Variants in RETREG3 observed in about 807,000 individuals in gnomAD.
RETREG3 encodes the protein reticulophagy regulator 3.
In RETREG3, 23 loss-of-function variants were observed where a neutral mutation model predicts 50.2. That is an observed-to-expected ratio of 0.46 (90% confidence interval 0.33 to 0.65). The LOEUF (loss-of-function observed/expected upper bound fraction) is 0.65, where lower values mean the gene tolerates loss of function less well. Among genes scored for constraint, RETREG3 ranks in the 30% least tolerant of loss-of-function variants. The pLI, the probability that RETREG3 is intolerant of heterozygous loss-of-function variation, is 0.02. For synonymous variants in RETREG3, 240 were observed against 234.4 expected (o/e 1.02, Z -0.22); for missense variants, 546 against 598.0 (o/e 0.91, Z 0.91).
chr17:42,581,777 C>T lies in RETREG3; in HGVS notation c.*36G>A. Reference sequence around the variant, plus strand: ...CTTAAGTGGGATGGGGAGAAAAAAACCTAAACCACAGTGACTCCCAAAAGG... The same window carrying T: ...CTTAAGTGGGATGGGGAGAAAAAAATCTAAACCACAGTGACTCCCAAAAGG... On this transcript the variant is annotated 3_prime_UTR_variant, in exon 9 of 9. Coordinates refer to ENST00000309428, the MANE Select transcript of RETREG3 (RefSeq NM_178126.4). 6.6e-7 allele frequency: 1 copy of T among 1,520,162 alleles called. No individual in the cohort carries two copies. 94.2% of individuals were successfully genotyped at this position (1,520,162 alleles called of 1,614,324 possible). A position where few individuals can be genotyped will look rare whatever the true frequency, so the allele number is the denominator to read the frequency against.
rs1367296231 is a variant in RETREG3 at position 42,580,290 on chromosome 17, T to A, written c.*1523A>T. 1 of 152,476 alleles carries A rather than the reference T, an allele frequency of 6.6e-6. No homozygotes were observed. The highest frequency in any genetic ancestry group is 2.4e-5 in the African/African-American group (1 of 41,250). The allele number at this position is 152,476 out of a possible 1,614,324, so 9.4% of individuals were successfully genotyped here. ...AGCTGTAAAGGAGCTGAACAGGAAG[T>A]AAGAATAGGTGGTGCAAGAGATTAT... On this transcript the variant is annotated 3_prime_UTR_variant, in exon 9 of 9. Transcript: ENST00000309428.
chr17:42,608,431 C>T (rs1348084637), intron 1 of RETREG3, among the ~76,000 whole-genome samples: 2 of 152,220 alleles, frequency 1.3e-5, no homozygotes, highest in Non-Finnish European at 2.9e-5. Context: ...AAGGATGCCT[C>T]TCTAATTCCT....
In RETREG3 at chr17:42,581,721, G is replaced by T; in HGVS notation, c.*92C>A. On this transcript the variant is annotated 3_prime_UTR_variant, in exon 9 of 9. Transcript: ENST00000309428. ...CAGCATACAAATATAATTCAGGGGA[G>T]GGGAGCTGAGTTCTTCCCTTGCCCC... 1 of 1,174,450 alleles carries T rather than the reference G, an allele frequency of 8.5e-7. No individual in the cohort carries two copies. 72.8% of individuals were successfully genotyped at this position (1,174,450 alleles called of 1,614,324 possible).
intron 1 of RETREG3, among the ~76,000 whole-genome samples, chr17:42,597,597 A>G (rs1398269523): frequency 0.69 from 43,381 of 63,242 alleles, 12,340 homozygotes; most frequent in South Asian, 0.76. Flanking sequence ...ATATATATAT[A>G]TATATATATA....
At chr17:42,587,409 G>A (rs2093123501) in intron 3 of RETREG3, among the ~76,000 whole-genome samples, 1 of 152,228 alleles carries the variant, frequency 6.6e-6, no homozygotes, top group Non-Finnish European at 1.5e-5. Flanking sequence ...TAAGACACAA[G>A]AGGAATCTTT....
Position 42,587,864 on chromosome 17 carries a change from A to G in RETREG3, c.347T>C (p.Val116Ala), listed in dbSNP as rs764554335. Residue 116 changes from valine (V) to alanine (A), a missense_variant and splice_region_variant, in exon 3 of 9, where the codon GTG (valine) becomes GCG (alanine). By Grantham distance (64) the Val-to-Ala change is moderately conservative. Transcript: ENST00000309428. ...WKNKIWPEIK[V>A]PRPDALDNES... is the part of the protein sequence containing the mutation. The stretch of plus-strand genomic sequence containing the variant: ...ATTGTCTAATGCGTCGGGTCTTGGC[A>G]CTACAATATTAAAACAAACACCAGC... The G allele has an allele frequency of 1.2e-6, 2 of 1,614,086 alleles. No homozygotes were observed. The highest frequency in any genetic ancestry group is 4.5e-5 in the East Asian group (2 of 44,892).
At chr17:42,586,302 T>C (rs1239899754) in intron 4 of RETREG3, 165 bp from the exon 5 acceptor site, 1 of 632,322 alleles carries the variant, frequency 1.6e-6, no homozygotes, top group Admixed American at 2.8e-5. Context: ...AAAAGGAGCA[T>C]GTCCCCTTCT....
intron 1 of RETREG3, among the ~76,000 whole-genome samples, chr17:42,594,671 A>C (rs1300768602): frequency 2.0e-5 from 3 of 150,140 alleles, no homozygotes; most frequent in Non-Finnish European, 3.0e-5. Flanking sequence ...TTGAAACCCT[A>C]TCTCTACTAA....
intron 1 of RETREG3, 53 bp from the exon 2 acceptor site, chr17:42,592,215 C>T: frequency 6.8e-7 from 1 of 1,479,124 alleles, no homozygotes. Flanking sequence ...ATCCTAATTT[C>T]AGAAAAGGCC....
At chr17:42,598,869 TA>T (rs1315617534) in intron 1 of RETREG3, 2 of 152,128 alleles carry the variant, frequency 1.3e-5, no homozygotes, top group African/African-American at 4.8e-5. Context: ...GAATGGAAGG[TA>T]AGGGCTGTAA....
rs370043825 is a variant in RETREG3, at chr17:42,586,034, A to T, written c.589+19T>A. On this transcript the variant is annotated intron_variant, in intron 5 of 8. Coordinates refer to ENST00000309428, the MANE Select transcript of RETREG3 (RefSeq NM_178126.4). ...ATGAGCAGGGTATACTTTGTAGGGG[A>T]GGTATATGTCATACTTACGCATCAA... 2.5e-4 allele frequency: 405 copies of T among 1,611,872 alleles called. No individual in the cohort carries two copies. In the Middle Eastern group the frequency reaches 4.8e-3, roughly 19 times the overall value.
intron 1 of RETREG3, among the ~76,000 whole-genome samples, chr17:42,607,529 G>A (rs907829754): frequency 1.6e-4 from 21 of 135,096 alleles, no homozygotes; most frequent in African/African-American, 5.7e-4. Context: ...AAAAGGCCAG[G>A]CGCAGTGGCT....
chr17:42,603,596 G>A (rs1340726521), intron 1 of RETREG3, among the ~76,000 whole-genome samples: 1 of 152,138 alleles, frequency 6.6e-6, no homozygotes, highest in African/African-American at 2.4e-5. Flanking sequence ...AATAAACCAA[G>A]GCATCCTTGG....
intron 1 of RETREG3, among the ~76,000 whole-genome samples, chr17:42,607,911 G>A (rs1358466625): frequency 6.6e-6 from 1 of 152,130 alleles, no homozygotes; most frequent in African/African-American, 2.4e-5. Flanking sequence ...ACAAATGCCA[G>A]AGACTACTGT....
intron 1 of RETREG3, among the ~76,000 whole-genome samples, chr17:42,597,434 A>G (rs1317603476): frequency 1.4e-5 from 2 of 146,256 alleles, no homozygotes; most frequent in Non-Finnish European, 3.0e-5. Flanking sequence ...TGATCCACCC[A>G]CCTCGGCATC....
Position 42,586,929 on chromosome 17 carries a change from G to A in RETREG3, c.378-38C>T, listed in dbSNP as rs769182655. ...GAAGGGGGAGCTGTGAAAGGAGGGT[G>A]TTGAGGGTCCCCCCATCTTGCTGTG... On this transcript the variant is annotated intron_variant, in intron 3 of 8. Transcript: ENST00000309428. 39 of 1,607,584 alleles carry A rather than the reference G, an allele frequency of 2.4e-5. No homozygotes were observed. In the East Asian group the frequency reaches 8.0e-4, roughly 33 times the overall value.
intron 2 of RETREG3, among the ~76,000 whole-genome samples, chr17:42,588,682 G>C (rs915502595): frequency 2.0e-5 from 3 of 150,896 alleles, no homozygotes; most frequent in African/African-American, 7.3e-5. Context: ...TTTTGAGACA[G>C]AATCTCACTC....
At chr17:42,597,619 A>ATT (rs869223820) in intron 1 of RETREG3, among the ~76,000 whole-genome samples, 4 of 14,364 alleles carry the variant, frequency 2.8e-4, no homozygotes, top group African/African-American at 1.5e-3. Context: ...ATATATATAT[A>ATT]TTTTTTTTTT....
intron 1 of RETREG3, among the ~76,000 whole-genome samples, chr17:42,608,058 GTT>G (rs1379924842): frequency 6.6e-6 from 1 of 152,146 alleles, no homozygotes; most frequent in Non-Finnish European, 1.5e-5. Flanking sequence ...GATAATAAAT[GTT>G]TTGATTTTAA....
Sources: gnomAD v4.1 joint callset for allele counts (sites outside exome capture counted in the v4.1 genomes callset) on GRCh38, gnomAD v4.1.1 for gene constraint, MANE v1.5 for transcripts, NCBI Gene and HGNC (gene_info 2026-07-23, HGNC 2026-07-21) for gene names.